The following MYO1E variants were observed in gnomAD, a reference collection of about 807,000 sequenced individuals.
The protein encoded by MYO1E is myosin IE.
A neutral mutation model predicts 151.1 loss-of-function variants in MYO1E; 68 were observed. The observed-to-expected ratio is 0.45, with a 90% CI of 0.37 to 0.55. The LOEUF is 0.55. MYO1E is among the 20% of genes least tolerant of loss of function. The probability of loss-of-function intolerance (pLI) is 0.00; values close to 1 mark genes in which losing one functional copy is unlikely to be tolerated. For missense variants in MYO1E, 1,363 were observed against 1,389.3 expected (o/e 0.98, Z 0.30); for synonymous variants, 601 against 501.7 (o/e 1.20, Z -2.64).
chr15:59,311,976 A>G (rs1376446031), intron 1 of MYO1E, among the ~76,000 whole-genome samples: 1 of 152,186 alleles, frequency 6.6e-6, no homozygotes, highest in Non-Finnish European at 1.5e-5. Flanking sequence ...TGAACTTCCC[A>G]GCCTCCAGGA....
chr15:59,316,437 A>C (rs2080589482), intron 1 of MYO1E, among the ~76,000 whole-genome samples: 1 of 152,122 alleles, frequency 6.6e-6, no homozygotes, highest in Non-Finnish European at 1.5e-5. Flanking sequence ...CAAGTCTGCC[A>C]AAAAAATTTG....
intron 26 of MYO1E, among the ~76,000 whole-genome samples, chr15:59,147,931 C>T (rs2079451829): frequency 6.6e-6 from 1 of 152,118 alleles, no homozygotes; most frequent in African/African-American, 2.4e-5. Context: ...CTAGGCAGGC[C>T]AGAGATTTGA....
At chr15:59,197,003 T>TTTTTC (rs2079770981) in intron 16 of MYO1E, among the ~76,000 whole-genome samples, 1 of 133,832 alleles carries the variant, frequency 7.5e-6, no homozygotes, top group Non-Finnish European at 1.6e-5. Context: ...TTTTTTTTTT[T>TTTTTC]TTTTTTTGAG....
chr15:59,206,976 G>C (rs374748846), intron 14 of MYO1E: 1 of 1,614,142 alleles, frequency 6.2e-7, no homozygotes, highest in South Asian at 1.1e-5. Context: ...GGGCCAGCCA[G>C]AGAGTGAGCT....
At chr15:59,174,795 G>A (rs866004261) in intron 19 of MYO1E, among the ~76,000 whole-genome samples, 50 of 151,980 alleles carry the variant, frequency 3.3e-4, no homozygotes, top group African/African-American at 1.1e-3. Context: ...AAGGACCAGC[G>A]GAGCAGAGGA....
At chr15:59,140,173 C>T (rs1236317337) in intron 26 of MYO1E, among the ~76,000 whole-genome samples, 1 of 152,100 alleles carries the variant, frequency 6.6e-6, no homozygotes. Flanking sequence ...CCCTTCACCC[C>T]ACTGTCATAA....
At chr15:59,353,343 A>T (rs2080834225) in intron 1 of MYO1E, among the ~76,000 whole-genome samples, 1 of 131,936 alleles carries the variant, frequency 7.6e-6, no homozygotes, top group Admixed American at 8.1e-5. Context: ...GGTGACAGAT[A>T]GAGACCCTGT....
At chr15:59,343,712 TCTC>T (rs2080778317) in intron 1 of MYO1E, among the ~76,000 whole-genome samples, 1 of 152,120 alleles carries the variant, frequency 6.6e-6, no homozygotes, top group Non-Finnish European at 1.5e-5. Context: ...TTTTCTTTTG[TCTC>T]CTCTGACTGT....
In MYO1E at chr15:59,372,489, C is replaced by T; in HGVS notation, c.3+9G>A. 6.5e-7 allele frequency: 1 copy of T among 1,539,300 alleles called. No individual in the cohort carries two copies. On this transcript the variant is annotated intron_variant, in intron 1 of 27. Coordinates refer to ENST00000288235, the MANE Select transcript of MYO1E (RefSeq NM_004998.4). Reference sequence around the variant, plus strand: ...TCCGGCGTCCTAGGACGCGGCGCGGCCAACTCACCATGGTGACTCGCGCCG... The same window carrying T: ...TCCGGCGTCCTAGGACGCGGCGCGGTCAACTCACCATGGTGACTCGCGCCG...
intron 1 of MYO1E, among the ~76,000 whole-genome samples, chr15:59,303,054 G>A (rs2080492574): frequency 1.3e-5 from 2 of 152,188 alleles, no homozygotes; most frequent in Admixed American, 6.5e-5. Context: ...TTCCCACACA[G>A]AAGAAAATGT....
chr15:59,147,950 G>T (rs2140303480), intron 26 of MYO1E, among the ~76,000 whole-genome samples: 1 of 152,302 alleles, frequency 6.6e-6, no homozygotes, highest in East Asian at 1.9e-4. Context: ...GAGTTCTTGA[G>T]AATAAAGCCA....
At chr15:59,157,743 C>T (rs949871991) in intron 25 of MYO1E, among the ~76,000 whole-genome samples, 20 of 152,208 alleles carry the variant, frequency 1.3e-4, no homozygotes, top group Non-Finnish European at 5.9e-5. Flanking sequence ...CTATCTGTAA[C>T]ACTGTGAAGA....
At chr15:59,303,346 C>G (rs1025957160) in intron 1 of MYO1E, among the ~76,000 whole-genome samples, 1 of 151,934 alleles carries the variant, frequency 6.6e-6, no homozygotes, top group African/African-American at 2.4e-5. Context: ...GCCAGGAGGT[C>G]GAGGCTGCAG....
chr15:59,215,042 G>A (rs1401117224), intron 10 of MYO1E, among the ~76,000 whole-genome samples: 3 of 152,102 alleles, frequency 2.0e-5, no homozygotes, highest in Admixed American at 6.5e-5. Context: ...TTGGATGATC[G>A]AAGTAAAACC....
chr15:59,142,075 C>G (rs1398946751), intron 26 of MYO1E, among the ~76,000 whole-genome samples: 2 of 152,028 alleles, frequency 1.3e-5, no homozygotes, highest in African/African-American at 2.4e-5. Context: ...CCACTGCACT[C>G]CAGCCTGGGA....
chr15:59,282,756 G>A (rs940983440), intron 1 of MYO1E, among the ~76,000 whole-genome samples: 4 of 149,288 alleles, frequency 2.7e-5, no homozygotes, highest in African/African-American at 9.9e-5. Flanking sequence ...CCGGAGGCAG[G>A]AGGATCGCTT....
chr15:59,215,337 G>T (rs11634752), intron 10 of MYO1E, among the ~76,000 whole-genome samples: 46,753 of 152,050 alleles, frequency 0.31, 7,700 homozygotes, highest in East Asian at 0.57. Context: ...TCCCATTTCA[G>T]TTCTCAAAAT....
At chr15:59,341,826 T>G (rs772587501) in intron 1 of MYO1E, among the ~76,000 whole-genome samples, 58 of 152,190 alleles carry the variant, frequency 3.8e-4, no homozygotes, top group Admixed American at 6.5e-4. Context: ...AGGATAAACA[T>G]GGGAGTGCAG....
At chr15:59,194,068 G>T (rs1235177539) in intron 17 of MYO1E, among the ~76,000 whole-genome samples, 1 of 152,090 alleles carries the variant, frequency 6.6e-6, no homozygotes, top group Non-Finnish European at 1.5e-5. Flanking sequence ...CAACTACTCA[G>T]GAGGCTGAGG....
Sources: gnomAD v4.1 joint callset for allele counts (sites outside exome capture counted in the v4.1 genomes callset) on GRCh38, gnomAD v4.1.1 for gene constraint, MANE v1.5 for transcripts, NCBI Gene and HGNC (gene_info 2026-07-23, HGNC 2026-07-21) for gene names.